The following PARD3B variants were observed in gnomAD, a reference collection of about 807,000 sequenced individuals.
The protein encoded by PARD3B is par-3 family cell polarity regulator beta, also known as partitioning defective 3 homolog B.
PARD3B carries 103 observed loss-of-function variants against 130.2 expected under a neutral mutation model. The ratio of observed to expected loss-of-function variants is 0.79; its 90% CI spans 0.67 to 0.93. The LOEUF (loss-of-function observed/expected upper bound fraction) is 0.93, where lower values mean the gene tolerates loss of function less well. Among genes scored for constraint, PARD3B ranks in the 40% least tolerant of loss-of-function variants. PARD3B has a pLI of 0.00. For synonymous variants in PARD3B, 583 were observed against 553.2 expected (o/e 1.05, Z -0.76); for missense variants, 1,609 against 1,499.2 (o/e 1.07, Z -1.21).
At chr2:205,231,170 G>A (rs1018340022) in intron 15 of PARD3B, among the ~76,000 whole-genome samples, 16 of 151,922 alleles carry the variant, frequency 1.1e-4, no homozygotes, top group African/African-American at 2.4e-4. Context: ...AGTTCAATTC[G>A]GTGTGCTTGT....
At position 205,522,985 on chromosome 2, in the gene PARD3B, C is replaced by G. The variant is rs140726998; in HGVS notation, c.3180+22954C>G. On this transcript the variant is annotated intron_variant, in intron 21 of 22. Transcript: ENST00000406610. ...GATATTAGGTTAAAATTCCCATATA[C>G]TGTTTGGTTCTGAGGGCTTTCAGTA... Among the ~76,000 whole-genome samples, 640 of 151,644 alleles carry G rather than the reference C, an allele frequency of 4.2e-3. 6 individuals carry two copies. Among genetic ancestry groups the G allele is most frequent in the African/African-American group, 0.015 (607 of 41,424 alleles).
At chr2:204,776,228 A>T (rs1262591701) in intron 2 of PARD3B, among the ~76,000 whole-genome samples, 1 of 152,132 alleles carries the variant, frequency 6.6e-6, no homozygotes, top group Non-Finnish European at 1.5e-5. Context: ...ACAGCTGTTG[A>T]TATGTTTTCT....
chr2:205,165,692 G>A (rs926172954), intron 11 of PARD3B, among the ~76,000 whole-genome samples: 16 of 150,930 alleles, frequency 1.1e-4, no homozygotes, highest in African/African-American at 2.9e-4. Context: ...CACTCCAGCC[G>A]GAGCAACAAG....
chr2:205,398,096 C>T (rs2046095958), intron 18 of PARD3B, among the ~76,000 whole-genome samples: 2 of 151,930 alleles, frequency 1.3e-5, no homozygotes, highest in South Asian at 2.1e-4. Flanking sequence ...GTCAGGAGTT[C>T]GAGACCAGCC....
At chr2:205,541,153 A>G (rs5018875) in intron 21 of PARD3B, among the ~76,000 whole-genome samples, 3,597 of 152,200 alleles carry the variant, frequency 0.024, 134 homozygotes, top group African/African-American at 0.08. Context: ...TGATTAATGG[A>G]AAGAAATTTA....
chr2:204,976,322 A>G (rs1692147439), intron 3 of PARD3B, among the ~76,000 whole-genome samples: 1 of 152,216 alleles, frequency 6.6e-6, no homozygotes, highest in South Asian at 2.1e-4. Flanking sequence ...TGGCACTGCA[A>G]CTTACAAGCT....
intron 4 of PARD3B, among the ~76,000 whole-genome samples, chr2:205,057,427 GTA>G (rs1217448157): frequency 1.5e-5 from 2 of 132,698 alleles, no homozygotes; most frequent in African/African-American, 5.5e-5. Flanking sequence ...ATATATACAT[GTA>G]TATGTGTTAT....
At chr2:205,086,537 T>G (rs1334031776) in intron 4 of PARD3B, among the ~76,000 whole-genome samples, 1 of 152,228 alleles carries the variant, frequency 6.6e-6, no homozygotes, top group Non-Finnish European at 1.5e-5. Context: ...TGCATATGAT[T>G]TGAAAACTGT....
intron 2 of PARD3B, among the ~76,000 whole-genome samples, chr2:204,806,418 G>C (rs1048888971): frequency 6.6e-6 from 1 of 152,124 alleles, no homozygotes; most frequent in African/African-American, 2.4e-5. Context: ...ATAGTGCTGA[G>C]AAAACTGGAT....
rs146648042 is a variant in PARD3B, at chr2:205,559,787, C to T, written c.3260+6384C>T. 1.1e-3 allele frequency among the ~76,000 whole-genome samples: 160 copies of T among 151,860 alleles called. 3 individuals are homozygous for T. The East Asian group carries it at 0.029, about 28-fold the overall frequency. The stretch of plus-strand genomic sequence containing the variant: ...CTAATTTTTGTATTTTTAGTAGAGA[C>T]GAGGTTTCACCATGTTGGCCAGGGT... On this transcript the variant is annotated intron_variant, in intron 22 of 22. Transcript: ENST00000406610.
At chr2:205,130,674 G>A (rs1033778548) in intron 10 of PARD3B, among the ~76,000 whole-genome samples, 1 of 152,018 alleles carries the variant, frequency 6.6e-6, no homozygotes, top group Admixed American at 6.6e-5. Flanking sequence ...ACCCCTGGTG[G>A]GTAAAATGAG....
At position 205,351,949 on chromosome 2, in the gene PARD3B, AAC is replaced by A; in HGVS notation, c.2631-49060_2631-49059del. ...CCAGGTACACGCGTATTGCTGAGGA[AAC>A]ACAACCAACACCCACTGTTTCAAAG... On this transcript the variant is annotated intron_variant, in intron 18 of 22. Transcript: ENST00000406610. The surrounding 1 kb of genome is among the most constrained non-coding windows in gnomAD (Gnocchi z 4.2). Among the ~76,000 whole-genome samples, 1 of 152,274 alleles carries A rather than the reference AAC, an allele frequency of 6.6e-6. No homozygotes were observed. The highest frequency in any genetic ancestry group is 2.4e-5 in the African/African-American group (1 of 41,560).
At position 205,244,350 on chromosome 2, in the gene PARD3B, C is replaced by G. The variant is rs1245958856; in HGVS notation, c.2141-1428C>G. Reference sequence around the variant, plus strand: ...ACCCTTGAGACCACAGTTTTGTGTACTAACATAGACAGTGGCACATGGTAA... The same window carrying G: ...ACCCTTGAGACCACAGTTTTGTGTAGTAACATAGACAGTGGCACATGGTAA... On this transcript the variant is annotated intron_variant, in intron 15 of 22. Transcript: ENST00000406610. This position sits in a 1 kb window ranked among gnomAD's most constrained non-coding sequence, Gnocchi z 4.7. Among the ~76,000 whole-genome samples the G allele has an allele frequency of 6.6e-6, 1 of 152,140 alleles. No individual in the cohort carries two copies. The highest frequency in any genetic ancestry group is 1.5e-5 in the Non-Finnish European group (1 of 68,046).
At position 205,301,466 on chromosome 2, in the gene PARD3B, G is replaced by C; in HGVS notation, c.2395G>C (p.Gly799Arg). ...YDGPEEIEAD[G>R]LSDKSSHSGQ... Reference sequence around the variant, plus strand: ...TTGATTATTTTTTCTCTGTACAGACGGTCTGTCTGATAAGAGCTCTCACTC... The same window carrying C: ...TTGATTATTTTTTCTCTGTACAGACCGTCTGTCTGATAAGAGCTCTCACTC... The change falls in exon 18 of 23, where the codon GGT (glycine) becomes CGT (arginine). Residue 799 changes from glycine (G) to arginine (R), a missense_variant and splice_region_variant. Gly to Arg is a moderately radical substitution (Grantham distance 125). Transcript: ENST00000406610. This position sits in a 1 kb window ranked among gnomAD's most constrained non-coding sequence, Gnocchi z 5.2. 1.2e-6 allele frequency: 2 copies of C among 1,609,574 alleles called. No individual in the cohort carries two copies. Among genetic ancestry groups the C allele is most frequent in the Non-Finnish European group, 1.7e-6 (2 of 1,178,576 alleles).
intron 4 of PARD3B, among the ~76,000 whole-genome samples, chr2:205,054,583 T>C (rs921847828): frequency 6.6e-6 from 1 of 151,230 alleles, no homozygotes; most frequent in Non-Finnish European, 1.5e-5. Flanking sequence ...CTCCTAATGC[T>C]ATCCCTTTCC....
intron 3 of PARD3B, among the ~76,000 whole-genome samples, chr2:204,973,505 A>AC (rs1691881346): frequency 1.4e-5 from 1 of 71,984 alleles, no homozygotes; most frequent in African/African-American, 9.2e-5. Context: ...AGCCTTTAAG[A>AC]TTTTTTTTTT....
intron 1 of PARD3B, among the ~76,000 whole-genome samples, chr2:204,602,484 G>A (rs2033554113): frequency 1.3e-5 from 2 of 151,940 alleles, no homozygotes; most frequent in South Asian, 4.1e-4. Flanking sequence ...TTCAAGAGGA[G>A]GCAAAATGTT....
chr2:205,146,435 G>C lies in PARD3B; in HGVS notation c.1435-12287G>C, dbSNP rs1660563871. Among the ~76,000 whole-genome samples, 1 of 151,958 alleles carries C rather than the reference G, an allele frequency of 6.6e-6. No homozygotes were observed. Among genetic ancestry groups the C allele is most frequent in the Non-Finnish European group, 1.5e-5 (1 of 68,004 alleles). On this transcript the variant is annotated intron_variant, in intron 10 of 22. Coordinates refer to ENST00000406610, the MANE Select transcript of PARD3B (RefSeq NM_001302769.2). The surrounding 1 kb of genome is among the most constrained non-coding windows in gnomAD (Gnocchi z 4.3). ...GAGGCCGAGGTGGGCGGATCATGAG[G>C]TCAGGAGATCGAGACCATCCTGGCT...
chr2:204,933,255 G>A (rs547474874), intron 2 of PARD3B, among the ~76,000 whole-genome samples: 43 of 152,234 alleles, frequency 2.8e-4, no homozygotes, highest in East Asian at 9.7e-4. Flanking sequence ...AAACTCTCAA[G>A]GAAGAGTAGA....
Sources: allele counts gnomAD v4.1 joint callset (sites outside exome capture counted in the v4.1 genomes callset), GRCh38; gene constraint gnomAD v4.1.1; non-coding constraint Gnocchi (gnomAD v3.1); transcripts MANE v1.5; gene names NCBI Gene and HGNC (gene_info 2026-07-23, HGNC 2026-07-21).